Variants in ATP6V1A observed in about 807,000 individuals in gnomAD.
The protein encoded by ATP6V1A is ATPase H+ transporting V1 subunit A.
In ATP6V1A, 18 loss-of-function variants were observed where a neutral mutation model predicts 70.1. That is an observed-to-expected ratio of 0.26 (90% CI 0.18 to 0.38). The LOEUF (loss-of-function observed/expected upper bound fraction) is 0.38. Ranked by LOEUF, ATP6V1A falls within the 10% of genes least tolerant of loss-of-function variation. The pLI, the probability that ATP6V1A is intolerant of heterozygous loss-of-function variation, is 1.00. For missense variants in ATP6V1A, 424 were observed against 772.4 expected (o/e 0.55, Z 5.35); for synonymous variants, 232 against 253.8 (o/e 0.91, Z 0.82).
chr3:113,769,700 TG>T (rs1325059673), intron 1 of ATP6V1A, among the ~76,000 whole-genome samples: 1 of 152,226 alleles, frequency 6.6e-6, no homozygotes, highest in Non-Finnish European at 1.5e-5. Context: ...TATTTGCCAC[TG>T]CAGTGTTCTG....
intron 3 of ATP6V1A, among the ~76,000 whole-genome samples, chr3:113,782,561 T>TATATATATATATGTATATGTATACAC (rs1244311261): frequency 6.8e-6 from 1 of 146,004 alleles, no homozygotes; most frequent in African/African-American, 2.6e-5. Flanking sequence ...TATATACATG[T>TATATATATATATGTATATGTATACAC]GTATATATAT....
chr3:113,778,938 A>C, intron 2 of ATP6V1A, 103 bp downstream of exon 2: 1 of 801,304 alleles, frequency 1.2e-6, no homozygotes, highest in Non-Finnish European at 1.8e-6. Flanking sequence ...TTACCTGCAT[A>C]AATTCTGTTT....
At chr3:113,797,637 C>T (rs1183566402) in intron 11 of ATP6V1A, among the ~76,000 whole-genome samples, 1 of 152,064 alleles carries the variant, frequency 6.6e-6, no homozygotes, top group Non-Finnish European at 1.5e-5. Context: ...TAATAATTTT[C>T]AAAAGAGTAA....
rs183670108 is a variant in ATP6V1A at position 113,795,712 on chromosome 3, G to T, written c.1227-164G>T. Among the ~76,000 whole-genome samples, 258 of 151,812 alleles carry T rather than the reference G, an allele frequency of 1.7e-3. 1 individual carries two copies. The highest frequency in any genetic ancestry group is 6.1e-3 in the African/African-American group (251 of 41,442). ...ACTGGCTTTTGTTTAAGATTTTTAG[G>T]TAAGATTTTCTTTCCAAAGGTCATT... On this transcript the variant is annotated intron_variant, in intron 10 of 14. Coordinates refer to ENST00000273398, the MANE Select transcript of ATP6V1A (RefSeq NM_001690.4).
chr3:113,766,305 T>G (rs1257741476), intron 1 of ATP6V1A, among the ~76,000 whole-genome samples: 6 of 152,034 alleles, frequency 3.9e-5, no homozygotes, highest in Non-Finnish European at 8.8e-5. Flanking sequence ...TTTCTTTTTT[T>G]CGCTTCCCTT....
Position 113,795,005 on chromosome 3 carries a change from G to A in ATP6V1A, c.1111+11G>A, listed in dbSNP as rs201044927. The A allele has an allele frequency of 2.5e-6, 4 of 1,613,476 alleles. No individual in the cohort carries two copies. Among genetic ancestry groups the A allele is most frequent in the African/African-American group, 1.3e-5 (1 of 74,888 alleles). Reference sequence around the variant, plus strand: ...CTGAAATGCCTGCAGGTAAGTCTGTGTATTGCTTATCATGTAAACAAGACT... The same window carrying A: ...CTGAAATGCCTGCAGGTAAGTCTGTATATTGCTTATCATGTAAACAAGACT... On this transcript the variant is annotated intron_variant, in intron 9 of 14. Transcript: ENST00000273398.
intron 1 of ATP6V1A, among the ~76,000 whole-genome samples, chr3:113,777,196 C>T (rs1213683945): frequency 2.0e-5 from 3 of 152,084 alleles, no homozygotes; most frequent in African/African-American, 7.2e-5. Context: ...TTGGATAGTT[C>T]CTGTTTTTTA....
At chr3:113,755,259 G>C (rs1360350174) in intron 1 of ATP6V1A, among the ~76,000 whole-genome samples, 1 of 151,962 alleles carries the variant, frequency 6.6e-6, no homozygotes, top group Non-Finnish European at 1.5e-5. Context: ...TTCATTGGAT[G>C]TTGTGAATAA....
intron 12 of ATP6V1A, 106 bp from the exon 13 acceptor site, chr3:113,803,477 A>G (rs1709238487): frequency 2.4e-6 from 2 of 817,058 alleles, no homozygotes; most frequent in African/African-American, 1.7e-5. Context: ...TTTATTAACA[A>G]TAGGTGATGG....
intron 12 of ATP6V1A, 141 bp downstream of exon 12, chr3:113,798,587 A>C (rs1280185231): frequency 1.5e-6 from 1 of 667,610 alleles, no homozygotes; most frequent in African/African-American, 1.9e-5. Context: ...TTTTCTATTC[A>C]TTATAGTACT....
At chr3:113,792,692 G>A (rs1709108959) in intron 8 of ATP6V1A, among the ~76,000 whole-genome samples, 1 of 152,132 alleles carries the variant, frequency 6.6e-6, no homozygotes, top group South Asian at 2.1e-4. Context: ...CAATACAGCT[G>A]CTAATTATTA....
At chr3:113,792,242 A>G (rs1327299450) in intron 8 of ATP6V1A, among the ~76,000 whole-genome samples, 4 of 152,134 alleles carry the variant, frequency 2.6e-5, no homozygotes, top group South Asian at 2.1e-4. Context: ...GGACTATTGG[A>G]TTCTTTATCG....
chr3:113,761,115 T>C (rs1196200044), intron 1 of ATP6V1A, among the ~76,000 whole-genome samples: 1 of 150,686 alleles, frequency 6.6e-6, no homozygotes, highest in East Asian at 1.9e-4. Flanking sequence ...TTTTTTTTTC[T>C]TTTTTTTTGA....
intron 11 of ATP6V1A, 51 bp downstream of exon 11, chr3:113,795,990 A>C: frequency 1.3e-5 from 19 of 1,452,640 alleles, no homozygotes; most frequent in Non-Finnish European, 1.8e-5. Flanking sequence ...TCCTCTCTGC[A>C]GCCCCTGCTG....
At chr3:113,766,940 A>C (rs1003223728) in intron 1 of ATP6V1A, among the ~76,000 whole-genome samples, 9 of 152,156 alleles carry the variant, frequency 5.9e-5, no homozygotes, top group African/African-American at 1.9e-4. Context: ...TCTGGGCATC[A>C]TCACTCTTTA....
rs1390637252 is a variant in ATP6V1A at position 113,786,302 on chromosome 3, G to A, written c.635G>A (p.Arg212His). ...ACCATGGTGCAAGTATGGCCTGTAC[G>A]TCAAGTTCGACCTGTCACTGAGAAG... ...KFTMVQVWPV[R>H]QVRPVTEKLP... The change falls in exon 6 of 15, where the codon CGT (arginine) becomes CAT (histidine). Residue 212 changes from arginine to histidine, a missense_variant. Transcript: ENST00000273398. 1.2e-6 allele frequency: 2 copies of A among 1,613,148 alleles called. No homozygotes were observed. The highest frequency in any genetic ancestry group is 1.7e-6 in the Non-Finnish European group (2 of 1,179,466).
intron 5 of ATP6V1A, among the ~76,000 whole-genome samples, chr3:113,785,506 C>CCTTTTT (rs1392170740): frequency 9.3e-6 from 1 of 107,174 alleles, no homozygotes; most frequent in Admixed American, 1.1e-4. Flanking sequence ...TTTTTCTTTT[C>CCTTTTT]TTTTTTTTTT....
intron 2 of ATP6V1A, among the ~76,000 whole-genome samples, chr3:113,780,484 T>G (rs151333198): frequency 6.6e-6 from 1 of 152,222 alleles, no homozygotes; most frequent in African/African-American, 2.4e-5. Flanking sequence ...GAAAAAAATT[T>G]TGTAGATGTG....
At chr3:113,793,598 G>GT (rs1398875799) in intron 8 of ATP6V1A, among the ~76,000 whole-genome samples, 3 of 152,136 alleles carry the variant, frequency 2.0e-5, no homozygotes, top group Non-Finnish European at 4.4e-5. Context: ...CAGCATGCTT[G>GT]TATAAGAAAG....
Sources: allele counts gnomAD v4.1 joint callset (sites outside exome capture counted in the v4.1 genomes callset), GRCh38; gene constraint gnomAD v4.1.1; transcripts MANE v1.5; gene names NCBI Gene and HGNC (gene_info 2026-07-23, HGNC 2026-07-21).